PCDHA1: variants seen among roughly 807,000 people sequenced by gnomAD.
PCDHA1 encodes protocadherin alpha 1.
A neutral mutation model predicts 61.3 loss-of-function variants in PCDHA1; 42 were observed. The ratio of observed to expected loss-of-function variants is 0.69; its 90% CI spans 0.54 to 0.89. The LOEUF is 0.89. Ranked by LOEUF, PCDHA1 falls within the 40% of genes least tolerant of loss-of-function variation. The pLI is 0.00. For missense variants in PCDHA1, 1,256 were observed against 1,235.3 expected (o/e 1.02, Z -0.25); for synonymous variants, 610 against 553.8 (o/e 1.10, Z -1.43).
chr5:140,963,175 T>C (rs1408160891), intron 1 of PCDHA1, among the ~76,000 whole-genome samples: 1 of 152,046 alleles, frequency 6.6e-6, no homozygotes, highest in East Asian at 1.9e-4. Context: ...ATCTTACAGA[T>C]ATGCTGTAGA....
intron 1 of PCDHA1, among the ~76,000 whole-genome samples, chr5:140,941,192 TTTCTTTCTTCC>T (rs1330855559): frequency 1.0e-5 from 1 of 99,660 alleles, no homozygotes; most frequent in Non-Finnish European, 2.1e-5. Flanking sequence ...CTTCTTTTTT[TTTCTTTCTTCC>T]TTTCTTTCTT....
At chr5:140,903,687 T>C (rs1554191081) in intron 1 of PCDHA1, among the ~76,000 whole-genome samples, 1 of 152,228 alleles carries the variant, frequency 6.6e-6, no homozygotes, top group Non-Finnish European at 1.5e-5. Context: ...GTTTGGTAAA[T>C]AGTTTAAAAT....
intron 1 of PCDHA1, among the ~76,000 whole-genome samples, chr5:140,953,431 G>A (rs782512202): frequency 6.6e-5 from 10 of 152,088 alleles, no homozygotes; most frequent in Non-Finnish European, 1.2e-4. Flanking sequence ...TTGTCCTTAA[G>A]CTGGAGAAAC....
chr5:140,807,315 C>A (rs782815519), intron 1 of PCDHA1: 7 of 1,613,884 alleles, frequency 4.3e-6, no homozygotes, highest in Non-Finnish European at 5.9e-6. Flanking sequence ...AAACACGGCA[C>A]CTTCGTGGGC....
intron 1 of PCDHA1, among the ~76,000 whole-genome samples, chr5:140,944,370 A>G (rs1554216325): frequency 6.6e-6 from 1 of 151,966 alleles, no homozygotes; most frequent in Admixed American, 6.6e-5. Flanking sequence ...AATTTTTTAT[A>G]GAGATGGAGT....
At chr5:140,875,501 G>A (rs1457273881) in intron 1 of PCDHA1, 2 of 1,613,368 alleles carry the variant, frequency 1.2e-6, no homozygotes, top group Non-Finnish European at 1.7e-6. Context: ...AGAGGCCCGG[G>A]ATCCCAGCGT....
chr5:140,882,501 A>G lies in PCDHA1; in HGVS notation c.2394+93817A>G, dbSNP rs782169319. On this transcript the variant is annotated intron_variant, in intron 1 of 3. Transcript: ENST00000504120. Reference sequence around the variant, plus strand: ...AGACACGGGGACCTTCTGGAGGTAAATCTGCAGAATGGCATTTTGTTTGTG... The same window carrying G: ...AGACACGGGGACCTTCTGGAGGTAAGTCTGCAGAATGGCATTTTGTTTGTG... 1 of 1,614,098 alleles carries G rather than the reference A, an allele frequency of 6.2e-7. No individual in the cohort carries two copies. Among genetic ancestry groups the G allele is most frequent in the Non-Finnish European group, 8.5e-7 (1 of 1,180,032 alleles).
At position 140,845,557 on chromosome 5, in the gene PCDHA1, G is replaced by A. The variant is rs1355762380; in HGVS notation, c.2394+56873G>A. Reference sequence around the variant, plus strand: ...TATTCTAATTATGGTGATGCTTTTAGCTATTAAGAATTTCTGGGATTGAAA... The same window carrying A: ...TATTCTAATTATGGTGATGCTTTTAACTATTAAGAATTTCTGGGATTGAAA... On this transcript the variant is annotated intron_variant, in intron 1 of 3. Transcript: ENST00000504120. Among the ~76,000 whole-genome samples, 5 of 149,294 alleles carry A rather than the reference G, an allele frequency of 3.3e-5. 1 individual carries two copies. The highest frequency in any genetic ancestry group is 1.2e-4 in the African/African-American group (5 of 40,778).
intron 1 of PCDHA1, among the ~76,000 whole-genome samples, chr5:140,973,706 G>A (rs143845626): frequency 4.6e-5 from 7 of 152,274 alleles, no homozygotes; most frequent in South Asian, 4.1e-4. Context: ...TCTGACCCAG[G>A]AGTGAGCCAT....
chr5:140,807,020 A>G, intron 1 of PCDHA1: 1 of 810,584 alleles, frequency 1.2e-6, no homozygotes, highest in Non-Finnish European at 1.9e-6. Flanking sequence ...AATACATGAG[A>G]GAAGGAGGAA....
At chr5:140,877,575 C>T (rs1244471489) in intron 1 of PCDHA1, 1 of 1,613,826 alleles carries the variant, frequency 6.2e-7, no homozygotes, top group Non-Finnish European at 8.5e-7. Context: ...TGTACCTCAT[C>T]ATCGCCATCT....
intron 1 of PCDHA1, chr5:140,929,398 A>G: frequency 6.6e-7 from 1 of 1,510,096 alleles, no homozygotes; most frequent in Non-Finnish European, 8.9e-7. Flanking sequence ...AATATTTCTT[A>G]GACAAGCCTT....
chr5:140,841,274 C>A, intron 1 of PCDHA1: 1 of 1,518,266 alleles, frequency 6.6e-7, no homozygotes. Flanking sequence ...TACAGTCGTT[C>A]ATCTTTATAT....
chr5:140,796,562 TC>T (rs1355816339), intron 1 of PCDHA1: 1 of 1,613,122 alleles, frequency 6.2e-7, no homozygotes, highest in African/African-American at 1.3e-5. Context: ...CTGCTGCAGT[TC>T]CAGGTGAGCG....
At chr5:140,897,188 A>AT (rs1353420094) in intron 1 of PCDHA1, among the ~76,000 whole-genome samples, 5 of 152,104 alleles carry the variant, frequency 3.3e-5, no homozygotes, top group African/African-American at 7.2e-5. Flanking sequence ...CAAAAAATAT[A>AT]TTTTTTTATT....
intron 1 of PCDHA1, among the ~76,000 whole-genome samples, chr5:140,933,958 G>A (rs2089541288): frequency 1.3e-5 from 2 of 151,998 alleles, no homozygotes; most frequent in South Asian, 4.1e-4. Context: ...AGGATCTGTA[G>A]TGATGTTTCC....
At chr5:140,842,235 G>T (rs201880118) in intron 1 of PCDHA1, 1 of 1,612,410 alleles carries the variant, frequency 6.2e-7, no homozygotes, top group Non-Finnish European at 8.5e-7. Context: ...ATAGTGATTC[G>T]GGGTAATTTG....
At chr5:140,800,072 T>C (rs1762503316) in intron 1 of PCDHA1, among the ~76,000 whole-genome samples, 1 of 152,178 alleles carries the variant, frequency 6.6e-6, no homozygotes. Context: ...TTAAAAAAAC[T>C]GGAATCTAGA....
intron 1 of PCDHA1, chr5:140,869,354 T>C (rs782282863): frequency 6.2e-7 from 1 of 1,614,116 alleles, no homozygotes; most frequent in Non-Finnish European, 8.5e-7. Context: ...AATGGCATTT[T>C]GTTTGTGAAT....
Sources: allele counts gnomAD v4.1 joint callset (sites outside exome capture counted in the v4.1 genomes callset), GRCh38; gene constraint gnomAD v4.1.1; transcripts MANE v1.5; gene names NCBI Gene and HGNC (gene_info 2026-07-23, HGNC 2026-07-21).